Variants in SPIRE1 observed in about 807,000 individuals in gnomAD.
SPIRE1 encodes the protein spire type actin nucleation factor 1.
SPIRE1 carries 40 observed loss-of-function variants against 94.1 expected under a neutral mutation model. The ratio of observed to expected loss-of-function variants is 0.43; its 90% CI spans 0.33 to 0.55. SPIRE1 has a LOEUF of 0.55. Among genes scored for constraint, SPIRE1 ranks in the 20% least tolerant of loss-of-function variants. The pLI is 0.06. For missense variants in SPIRE1, 838 were observed against 975.2 expected, an observed-to-expected ratio of 0.86 and a Z score of 1.87; for synonymous variants, 376 against 371.7, an observed-to-expected ratio of 1.01 and a Z score of -0.13.
chr18:12,651,542 C>A (rs1023084698), intron 1 of SPIRE1, among the ~76,000 whole-genome samples: 3 of 151,966 alleles, frequency 2.0e-5, no homozygotes, highest in African/African-American at 2.4e-5. Flanking sequence ...AGCATGGTGG[C>A]GGGCGCCTGT....
chr18:12,488,733 T>C (rs1474430039), intron 8 of SPIRE1, among the ~76,000 whole-genome samples: 1 of 152,176 alleles, frequency 6.6e-6, no homozygotes, highest in Non-Finnish European at 1.5e-5. Flanking sequence ...ATGTGGCAAA[T>C]AAATCAACTA....
rs1028199215 is a variant in SPIRE1, at chr18:12,513,702, T to C, written c.730-1171A>G. 3.9e-5 allele frequency among the ~76,000 whole-genome samples: 6 copies of C among 152,098 alleles called. 1 individual carries two copies. On this transcript the variant is annotated intron_variant, in intron 4 of 16. Transcript: ENST00000409402. ...CCACGCCTGGCTAATTTTGTATTTT[T>C]AGTACAGACAGGGTTTCTCCATGTC... is the stretch of plus-strand genomic sequence containing the variant.
At position 12,535,473 on chromosome 18, in the gene SPIRE1, C is replaced by A; in HGVS notation, c.729+3G>T. The A allele has an allele frequency of 1.9e-6, 3 of 1,611,148 alleles. No homozygotes were observed. The South Asian group carries it at 3.3e-5, about 18-fold the overall frequency. ...CAATAAATATCAAAGCAGTAGTACT[C>A]ACCTCTTTCGCACTCTTAATTTTGG... On this transcript the variant is annotated splice_donor_region_variant and intron_variant, in intron 4 of 16. Coordinates refer to ENST00000409402, the MANE Select transcript of SPIRE1 (RefSeq NM_001128626.2).
chr18:12,661,541 G>T (rs1345496131), upstream of SPIRE1, among the ~76,000 whole-genome samples: 2 of 152,100 alleles, frequency 1.3e-5, no homozygotes, highest in Non-Finnish European at 1.5e-5. Flanking sequence ...GGAAGCCAAC[G>T]CAGGCAGATC....
At position 12,635,874 on chromosome 18, in the gene SPIRE1, T is replaced by G. The variant is rs568326403; in HGVS notation, c.338-778A>C. 2.6e-5 allele frequency among the ~76,000 whole-genome samples: 4 copies of G among 151,918 alleles called. No individual in the cohort carries two copies. The South Asian group carries it at 8.3e-4, about 32-fold the overall frequency. The stretch of plus-strand genomic sequence containing the variant: ...TTAATTATACTGCGTACTAGAAAAT[T>G]GGGTTTTTTTGGTTTTTTTTGTTTT... On this transcript the variant is annotated intron_variant, in intron 1 of 16. Transcript: ENST00000409402.
At chr18:12,584,179 C>T (rs2036331016) in intron 2 of SPIRE1, among the ~76,000 whole-genome samples, 1 of 152,042 alleles carries the variant, frequency 6.6e-6, no homozygotes, top group African/African-American at 2.4e-5. Flanking sequence ...TCTATAATCC[C>T]AGCACTTTGG....
chr18:12,458,546 G>A (rs556725228), intron 12 of SPIRE1, among the ~76,000 whole-genome samples: 2 of 152,088 alleles, frequency 1.3e-5, no homozygotes, highest in East Asian at 2.0e-4. Context: ...CCCAGGAGGC[G>A]GAGCTTGCAG....
chr18:12,655,940 C>A (rs1390911135), intron 1 of SPIRE1, among the ~76,000 whole-genome samples: 2 of 152,094 alleles, frequency 1.3e-5, no homozygotes, highest in Non-Finnish European at 1.5e-5. Context: ...GCTCTGTCAC[C>A]CAGGCTGGAG....
chr18:12,608,374 T>C (rs1410766636), intron 2 of SPIRE1, among the ~76,000 whole-genome samples: 1 of 152,228 alleles, frequency 6.6e-6, no homozygotes, highest in Non-Finnish European at 1.5e-5. Context: ...TGAACCATTA[T>C]TCCACATAAT....
intron 2 of SPIRE1, among the ~76,000 whole-genome samples, chr18:12,596,893 AC>A (rs1307318079): frequency 6.9e-6 from 1 of 145,808 alleles, no homozygotes; most frequent in Non-Finnish European, 1.5e-5. Flanking sequence ...TGTCCTGCTA[AC>A]CCCCTTCCTG....
chr18:12,636,107 G>A (rs1014357418), intron 1 of SPIRE1, among the ~76,000 whole-genome samples: 2 of 151,940 alleles, frequency 1.3e-5, no homozygotes, highest in Admixed American at 6.6e-5. Context: ...TGGCCAGGCT[G>A]GTCTCGAACT....
intron 2 of SPIRE1, among the ~76,000 whole-genome samples, chr18:12,563,366 A>C (rs1477139453): frequency 1.3e-5 from 2 of 151,968 alleles, no homozygotes; most frequent in African/African-American, 4.8e-5. Context: ...GCTGGAGTGC[A>C]TTGGCCCTTC....
rs1181792253 is a variant in SPIRE1 at position 12,636,268 on chromosome 18, T to A, written c.338-1172A>T. Reference sequence around the variant, plus strand: ...AAATTCAAATATGCATTTAGCTCTATACCTTTCCCTTCACCCAATACTATC... The same window carrying A: ...AAATTCAAATATGCATTTAGCTCTAAACCTTTCCCTTCACCCAATACTATC... On this transcript the variant is annotated intron_variant, in intron 1 of 16. Coordinates refer to ENST00000409402, the MANE Select transcript of SPIRE1 (RefSeq NM_001128626.2). 1.3e-5 allele frequency: 2 copies of A among 152,216 alleles called. 1 individual carries two copies. Among genetic ancestry groups the A allele is most frequent in the Non-Finnish European group, 2.9e-5 (2 of 68,036 alleles). 9.4% of individuals were successfully genotyped at this position (152,216 alleles called of 1,614,324 possible).
chr18:12,496,399 A>G (rs2033458551), intron 6 of SPIRE1, among the ~76,000 whole-genome samples: 1 of 152,218 alleles, frequency 6.6e-6, no homozygotes, highest in Admixed American at 6.5e-5. Flanking sequence ...GTATTTTATG[A>G]TTTAAAAAAC....
At chr18:12,556,893 G>A (rs1284373784) in intron 2 of SPIRE1, among the ~76,000 whole-genome samples, 1 of 152,094 alleles carries the variant, frequency 6.6e-6, no homozygotes, top group South Asian at 2.1e-4. Flanking sequence ...TGGGCAGCCT[G>A]CTTTTATTCC....
intron 1 of SPIRE1, among the ~76,000 whole-genome samples, chr18:12,637,583 C>T (rs1374882416): frequency 6.6e-6 from 1 of 152,052 alleles, no homozygotes; most frequent in Non-Finnish European, 1.5e-5. Flanking sequence ...ATACACAAAC[C>T]TAACGTGAGA....
At chr18:12,645,821 G>C (rs1380777236) in intron 1 of SPIRE1, among the ~76,000 whole-genome samples, 1 of 152,008 alleles carries the variant, frequency 6.6e-6, no homozygotes, top group African/African-American at 2.4e-5. Flanking sequence ...TCGACCATGT[G>C]GCTGGCACAA....
intron 12 of SPIRE1, among the ~76,000 whole-genome samples, chr18:12,457,747 G>A (rs1341176658): frequency 2.0e-5 from 3 of 151,870 alleles, no homozygotes; most frequent in Non-Finnish European, 4.4e-5. Flanking sequence ...CATTCAAGAG[G>A]GGTCAGTTAG....
At chr18:12,483,233 T>C (rs939109620) in intron 9 of SPIRE1, among the ~76,000 whole-genome samples, 3 of 152,228 alleles carry the variant, frequency 2.0e-5, no homozygotes, top group Non-Finnish European at 4.4e-5. Context: ...GTGCTGGGAT[T>C]ATAGGCGTGA....
Sources: gnomAD v4.1 joint callset for allele counts (sites outside exome capture counted in the v4.1 genomes callset) on GRCh38, gnomAD v4.1.1 for gene constraint, MANE v1.5 for transcripts, NCBI Gene and HGNC (gene_info 2026-07-23, HGNC 2026-07-21) for gene names.